Variants in RABGAP1L observed in about 807,000 individuals in gnomAD.
RABGAP1L encodes RAB GTPase activating protein 1 like.
A neutral mutation model predicts 137.7 loss-of-function variants in RABGAP1L; 63 were observed. The observed-to-expected ratio is 0.46, with a 90% CI of 0.37 to 0.56. The LOEUF (loss-of-function observed/expected upper bound fraction) is 0.56. RABGAP1L is among the 20% of genes least tolerant of loss of function. The pLI is 0.00. For synonymous variants in RABGAP1L, 431 were observed against 433.7 expected, an observed-to-expected ratio of 0.99 and a Z score of 0.08; for missense variants, 1,095 against 1,244.0, an observed-to-expected ratio of 0.88 and a Z score of 1.80.
chr1:174,596,973 A>C (rs1415774616), intron 13 of RABGAP1L, among the ~76,000 whole-genome samples: 1 of 152,258 alleles, frequency 6.6e-6, no homozygotes, highest in South Asian at 2.1e-4. Context: ...AATTGAAATG[A>C]TCATATGGTC....
chr1:174,977,202 T>C (rs1322653998), intron 22 of RABGAP1L, among the ~76,000 whole-genome samples: 5 of 152,238 alleles, frequency 3.3e-5, no homozygotes, highest in Non-Finnish European at 7.3e-5. Flanking sequence ...TTCCAGACTT[T>C]ATAAAAAGTG....
intron 13 of RABGAP1L, among the ~76,000 whole-genome samples, chr1:174,419,331 C>T (rs1254000108): frequency 1.3e-5 from 2 of 152,190 alleles, no homozygotes; most frequent in Middle Eastern, 3.2e-3. Flanking sequence ...GCAATGTCAA[C>T]ACTACTACTA....
chr1:174,444,292 T>G (rs1269020822), intron 13 of RABGAP1L, among the ~76,000 whole-genome samples: 2 of 152,058 alleles, frequency 1.3e-5, no homozygotes. Context: ...TATTAATTCT[T>G]CCAATCCATG....
At chr1:174,322,394 CT>C (rs1371746052) in intron 11 of RABGAP1L, among the ~76,000 whole-genome samples, 1 of 152,096 alleles carries the variant, frequency 6.6e-6, no homozygotes, top group Non-Finnish European at 1.5e-5. Flanking sequence ...CAGATACTGT[CT>C]GGGCATGTAG....
At chr1:174,756,734 C>T (rs1684796552) in intron 18 of RABGAP1L, 3 of 335,358 alleles carry the variant, frequency 8.9e-6, no homozygotes, top group South Asian at 2.5e-5. Flanking sequence ...CCCTGGAGTA[C>T]ATTGGAGGTG....
intron 18 of RABGAP1L, among the ~76,000 whole-genome samples, chr1:174,780,442 G>T (rs1686894396): frequency 6.6e-6 from 1 of 152,002 alleles, no homozygotes; most frequent in South Asian, 2.1e-4. Context: ...TTCAAGTCTA[G>T]CTCCTATCTA....
At chr1:174,851,761 TCCTCCCA>T (rs1648396465) in intron 19 of RABGAP1L, among the ~76,000 whole-genome samples, 1 of 151,938 alleles carries the variant, frequency 6.6e-6, no homozygotes, top group Non-Finnish European at 1.5e-5. Flanking sequence ...GCTCTAGCAG[TCCTCCCA>T]CCTCAGCTTC....
chr1:174,221,001 A>G lies in RABGAP1L; in HGVS notation c.168A>G (p.Glu56=). ...KIVSNGDEQL[E]KAMEEILRDS... is the part of the protein sequence containing the mutation. ...TTTCTAATGGTGATGAACAATTGGA[A>G]AAAGCCATGGAAGAGATTTTGAGAG... is the stretch of plus-strand genomic sequence containing the variant. The change falls in exon 3 of 26, where the codon GAA becomes GAG. Residue 56 remains glutamate (E), a synonymous_variant. Transcript: ENST00000681986. The G allele has an allele frequency of 6.2e-7, 1 of 1,611,736 alleles. No individual in the cohort carries two copies. Among genetic ancestry groups the G allele is most frequent in the Non-Finnish European group, 8.5e-7 (1 of 1,178,862 alleles).
chr1:174,341,581 A>T (rs933920600), intron 11 of RABGAP1L, among the ~76,000 whole-genome samples: 1 of 151,952 alleles, frequency 6.6e-6, no homozygotes, highest in African/African-American at 2.4e-5. Context: ...TGTTTTATTT[A>T]AAATCCCTGA....
intron 13 of RABGAP1L, among the ~76,000 whole-genome samples, chr1:174,453,494 A>T (rs1055599981): frequency 1.7e-4 from 26 of 152,198 alleles, no homozygotes; most frequent in Non-Finnish European, 1.6e-4. Context: ...AAAGATTTAG[A>T]TGTGAGAAAT....
intron 13 of RABGAP1L, among the ~76,000 whole-genome samples, chr1:174,622,829 A>G (rs997120315): frequency 2.6e-5 from 4 of 152,232 alleles, no homozygotes; most frequent in African/African-American, 9.6e-5. Context: ...CGTTGTGCAC[A>G]TGTACCCTAA....
intron 1 of RABGAP1L, among the ~76,000 whole-genome samples, chr1:174,218,728 CAG>C (rs1669531134): frequency 6.6e-6 from 1 of 151,902 alleles, no homozygotes. Flanking sequence ...ATAGCAGTGT[CAG>C]TGAATATGGT....
At chr1:174,688,053 G>T (rs548875610) in intron 15 of RABGAP1L, among the ~76,000 whole-genome samples, 1 of 152,156 alleles carries the variant, frequency 6.6e-6, no homozygotes, top group Admixed American at 6.5e-5. Flanking sequence ...GAAATTACAA[G>T]AAATTTGTCA....
chr1:174,922,934 G>A (rs1032538326), intron 19 of RABGAP1L, among the ~76,000 whole-genome samples: 2 of 152,156 alleles, frequency 1.3e-5, no homozygotes, highest in African/African-American at 4.8e-5. Flanking sequence ...AGCACTTTGG[G>A]AGGCCCAGGT....
At chr1:174,908,374 T>TC (rs1659461969) in intron 19 of RABGAP1L, among the ~76,000 whole-genome samples, 1 of 152,100 alleles carries the variant, frequency 6.6e-6, no homozygotes, top group African/African-American at 2.4e-5. Flanking sequence ...CATGGAATAT[T>TC]CCCCAGAATA....
chr1:174,979,731 ATGTT>A (rs1302909120), intron 23 of RABGAP1L, among the ~76,000 whole-genome samples: 1 of 152,160 alleles, frequency 6.6e-6, no homozygotes, highest in Non-Finnish European at 1.5e-5. Flanking sequence ...CTTCTTGAGG[ATGTT>A]TCTGGCCCCA....
intron 13 of RABGAP1L, among the ~76,000 whole-genome samples, chr1:174,436,243 A>G (rs1323164695): frequency 6.6e-6 from 1 of 152,208 alleles, no homozygotes; most frequent in Non-Finnish European, 1.5e-5. Context: ...TGACTTCCAC[A>G]ATGGTTGAAC....
At chr1:174,682,062 CCTGAGGTCAG>C (rs2148476031) in intron 14 of RABGAP1L, among the ~76,000 whole-genome samples, 1 of 152,118 alleles carries the variant, frequency 6.6e-6, no homozygotes, top group South Asian at 2.1e-4. Context: ...GAGAGGAACA[CCTGAGGTCAG>C]CAGTTCAAGA....
At chr1:174,246,843 T>G (rs1360026979) in intron 5 of RABGAP1L, among the ~76,000 whole-genome samples, 1 of 152,258 alleles carries the variant, frequency 6.6e-6, no homozygotes, top group Non-Finnish European at 1.5e-5. Flanking sequence ...TTCTGAAGTT[T>G]ATCTTGTTAA....
Sources: gnomAD v4.1 joint callset for allele counts (sites outside exome capture counted in the v4.1 genomes callset) on GRCh38, gnomAD v4.1.1 for gene constraint, MANE v1.5 for transcripts, NCBI Gene and HGNC (gene_info 2026-07-23, HGNC 2026-07-21) for gene names.